The following ADCY7 variants were observed in gnomAD, a reference collection of about 807,000 sequenced individuals.
ADCY7 encodes the protein adenylate cyclase 7.
ADCY7 carries 72 observed loss-of-function variants against 120.6 expected under a neutral mutation model. The observed-to-expected ratio is 0.60, with a 90% CI of 0.49 to 0.73. ADCY7 has a LOEUF of 0.73. Ranked by LOEUF, ADCY7 falls within the 30% of genes least tolerant of loss-of-function variation. The pLI is 0.00. For missense variants in ADCY7, 1,227 were observed against 1,486.0 expected (o/e 0.83, Z 2.87); for synonymous variants, 661 against 628.0 (o/e 1.05, Z -0.78).
chr16:50,271,465 T>A (rs1286933954), intron 1 of ADCY7, among the ~76,000 whole-genome samples: 1 of 152,178 alleles, frequency 6.6e-6, no homozygotes, highest in Admixed American at 6.5e-5. Context: ...AGCCCAGTGC[T>A]GCCGAGATGA....
At chr16:50,267,204 T>G (rs532989565) in intron 1 of ADCY7, among the ~76,000 whole-genome samples, 12 of 152,376 alleles carry the variant, frequency 7.9e-5, no homozygotes, top group African/African-American at 2.9e-4. Context: ...TCCCTTTCCC[T>G]GCAATGCCTC....
At chr16:50,277,413 C>T (rs1237954616) in intron 1 of ADCY7, among the ~76,000 whole-genome samples, 1 of 152,220 alleles carries the variant, frequency 6.6e-6, no homozygotes, top group Admixed American at 6.5e-5. Context: ...TACTGACTCA[C>T]ATTCCTGCCC....
At chr16:50,268,510 A>ACCG (rs2033358241) in intron 1 of ADCY7, among the ~76,000 whole-genome samples, 2 of 151,924 alleles carry the variant, frequency 1.3e-5, no homozygotes, top group Admixed American at 1.3e-4. Context: ...AGGCAATCTT[A>ACCG]CCGCCTCAGC....
At chr16:50,274,732 A>G (rs918273729) in intron 1 of ADCY7, among the ~76,000 whole-genome samples, 2 of 151,916 alleles carry the variant, frequency 1.3e-5, no homozygotes, top group Non-Finnish European at 2.9e-5. Flanking sequence ...ACTGAGCTCC[A>G]TGGGTGGCAC....
rs565444411 is a variant in ADCY7 at position 50,274,324 on chromosome 16, C to T, written c.-269+7644C>T. On this transcript the variant is annotated intron_variant, in intron 1 of 25. Transcript: ENST00000673801. ...AGTGACCTCCTGTGCCCAATAGCTC[C>T]GTAAGGGCAGGGTTTGTGGAAGGAA... is the stretch of plus-strand genomic sequence containing the variant. 2.6e-5 allele frequency: 4 copies of T among 152,286 alleles called. No individual in the cohort carries two copies. In the East Asian group the frequency reaches 5.8e-4, roughly 22 times the overall value. 9.4% of individuals were successfully genotyped at this position (152,286 alleles called of 1,614,324 possible).
intron 1 of ADCY7, among the ~76,000 whole-genome samples, chr16:50,271,956 A>G (rs2033603610): frequency 6.6e-6 from 1 of 151,752 alleles, no homozygotes; most frequent in Non-Finnish European, 1.5e-5. Flanking sequence ...TCCTCCCTTT[A>G]TGTCCCTGTT....
At position 50,293,481 on chromosome 16, in the gene ADCY7, TCAAGA is replaced by T; in HGVS notation, c.816_820del (p.Lys273AlafsTer32). ...GACAACAACTTCCACAGCCTCTACGTCAAGAGGCACCAGAATGTCAGGTGGGCGGT... is the reference window on the plus strand; with the variant it reads ...GACAACAACTTCCACAGCCTCTACGTGGCACCAGAATGTCAGGTGGGCGGT... On this transcript the variant is annotated frameshift_variant, in exon 6 of 26. Coordinates refer to ENST00000673801, the MANE Select transcript of ADCY7 (RefSeq NM_001114.5). LOFTEE classifies it high-confidence loss of function. The T allele has an allele frequency of 1.2e-6, 2 of 1,613,956 alleles. No individual in the cohort carries two copies. The highest frequency in any genetic ancestry group is 1.7e-6 in the Non-Finnish European group (2 of 1,179,984).
rs78286739 is a variant in ADCY7 at position 50,304,411 on chromosome 16, G to A, written c.1420G>A (p.Ala474Thr). 759 of 1,593,840 alleles carry A rather than the reference G, an allele frequency of 4.8e-4. 1 individual carries two copies. Among genetic ancestry groups the A allele is most frequent in the Admixed American group, 9.0e-4 (52 of 57,468 alleles). Residue 474 changes from alanine (A) to threonine (T), a missense_variant, in exon 11 of 26, where the codon GCG becomes ACG. Around this residue, in one of 5 missense-constraint regions of ADCY7, gnomAD observed 332 missense variants for 455.8 expected, o/e 0.73. Coordinates refer to ENST00000673801, the MANE Select transcript of ADCY7 (RefSeq NM_001114.5). ...SQHLPRPKGD[A>T]ALKMRASVRM... Reference sequence around the variant, plus strand: ...ACACCTCCCCAGGCCCAAGGGGGACGCGGCCCTGAAGATGCGGGCGTCAGT... The same window carrying A: ...ACACCTCCCCAGGCCCAAGGGGGACACGGCCCTGAAGATGCGGGCGTCAGT...
chr16:50,253,989 G>C (rs987356737), intron 1 of ADCY7, among the ~76,000 whole-genome samples: 8 of 152,108 alleles, frequency 5.3e-5, no homozygotes, highest in South Asian at 4.1e-4. Context: ...CTCTCTGTCT[G>C]TCTCTCTCCA....
At chr16:50,264,927 C>G (rs2033156382), upstream of ADCY7, among the ~76,000 whole-genome samples, 1 of 149,596 alleles carries the variant, frequency 6.7e-6, no homozygotes, top group Non-Finnish European at 1.5e-5. Flanking sequence ...ACCTCTGCCT[C>G]CCAGGTTCAA....
At chr16:50,266,494 G>A (rs532634760), upstream of ADCY7, 21 of 164,668 alleles carry the variant, frequency 1.3e-4, no homozygotes, top group South Asian at 1.8e-3. Context: ...CCTTGCTGCC[G>A]CCGCCGCCGC....
intron 19 of ADCY7, among the ~76,000 whole-genome samples, 156 bp downstream of exon 19, chr16:50,311,036 C>T (rs2036425280): frequency 2.0e-5 from 3 of 152,200 alleles, no homozygotes; most frequent in Admixed American, 2.0e-4. Flanking sequence ...GAGGAATTCA[C>T]TGGCAGGTTC....
At chr16:50,291,992 C>A in intron 4 of ADCY7, 95 bp downstream of exon 4, 1 of 1,375,222 alleles carries the variant, frequency 7.3e-7, no homozygotes, top group South Asian at 1.4e-5. Context: ...ACCCGAAGGC[C>A]CCGGAGCCGT....
At position 50,315,076 on chromosome 16, in the gene ADCY7, T is replaced by C. The variant is rs1284050253; in HGVS notation, c.3034T>C (p.Trp1012Arg). Reference protein sequence around the residue: ...IGARKPQYDIWGNTVNVASRM... With the variant: ...IGARKPQYDIRGNTVNVASRM... ...GGCCCGAAAACCTCAGTATGACATC[T>C]GGGGAAACACTGTCAATGTGGCCAG... The change falls in exon 25 of 26, where the codon TGG (tryptophan) becomes CGG (arginine). Residue 1012 changes from tryptophan (W) to arginine (R), a missense_variant. By Grantham distance (101) the Trp-to-Arg change is moderately radical (BLOSUM62 -3). Around this residue, in one of 5 missense-constraint regions of ADCY7, gnomAD observed 244 missense variants for 332.8 expected, o/e 0.73. Coordinates refer to ENST00000673801, the MANE Select transcript of ADCY7 (RefSeq NM_001114.5). 2.5e-6 allele frequency: 4 copies of C among 1,614,086 alleles called. No homozygotes were observed. Among genetic ancestry groups the C allele is most frequent in the South Asian group, 1.1e-5 (1 of 91,090 alleles).
rs1382440340 is a variant in ADCY7, at chr16:50,317,864, A to C, written c.*2359A>C. 6.6e-6 allele frequency: 1 copy of C among 151,994 alleles called. No homozygotes were observed. Among genetic ancestry groups the C allele is most frequent in the Non-Finnish European group, 1.5e-5 (1 of 67,966 alleles). The allele number at this position is 151,994 out of a possible 1,614,324, so 9.4% of individuals were successfully genotyped here. On this transcript the variant is annotated 3_prime_UTR_variant, in exon 26 of 26. Transcript: ENST00000673801. ...GTTAACTTTTGTGAAAATAATACCT[A>C]AGGTTTTCTGGCTTATTGAGGAAAT... is the stretch of plus-strand genomic sequence containing the variant.
intron 2 of ADCY7, among the ~76,000 whole-genome samples, chr16:50,290,153 G>A (rs1313572372): frequency 2.0e-5 from 3 of 152,220 alleles, no homozygotes; most frequent in Admixed American, 1.3e-4. Flanking sequence ...TATCACCTGC[G>A]GCTGTGCACA....
chr16:50,293,293 C>CGCTGGTCCCTCCGCCGGTCGCTTT (rs2035116153), intron 5 of ADCY7, 61 bp from the exon 6 acceptor site: 6 of 1,580,476 alleles, frequency 3.8e-6, no homozygotes, highest in African/African-American at 1.3e-5. Flanking sequence ...GCCTGTCCCC[C>CGCTGGTCCCTCCGCCGGTCGCTTT]GCTGGTCCCT....
intron 1 of ADCY7, among the ~76,000 whole-genome samples, chr16:50,250,678 A>G (rs1256704046): frequency 6.6e-6 from 1 of 152,180 alleles, no homozygotes; most frequent in Non-Finnish European, 1.5e-5. Context: ...AAAAAGGTAT[A>G]AAGCACATCA....
In ADCY7 at chr16:50,295,345, A is replaced by ATTTTTTTTTTTT. The variant is rs67137852; in HGVS notation, c.948+613_948+624dup. On this transcript the variant is annotated intron_variant, in intron 7 of 25. Coordinates refer to ENST00000673801, the MANE Select transcript of ADCY7 (RefSeq NM_001114.5). Reference sequence around the variant, plus strand: ...AGGCATGCACCACCACGCCTGGCTAATTTTTTTTTTTTTTTTTTTTTTTTT... The same window carrying ATTTTTTTTTTTT: ...AGGCATGCACCACCACGCCTGGCTAATTTTTTTTTTTTTTTTTTTTTTTTTTTTTTTTTTTTT... 9.7e-4 allele frequency among the ~76,000 whole-genome samples: 80 copies of ATTTTTTTTTTTT among 82,740 alleles called. 7 individuals are homozygous for ATTTTTTTTTTTT. The highest frequency in any genetic ancestry group is 1.5e-3 in the Non-Finnish European group (64 of 43,904). The allele number at this position is 82,740 out of a possible 152,430, so 54.3% of individuals were successfully genotyped here.
Sources: allele counts gnomAD v4.1 joint callset (sites outside exome capture counted in the v4.1 genomes callset), GRCh38; gene constraint gnomAD v4.1.1; regional missense constraint gnomAD v4.1.1; transcripts MANE v1.5; gene names NCBI Gene and HGNC (gene_info 2026-07-23, HGNC 2026-07-21).